The following USP9X variants were observed in gnomAD, a reference collection of about 807,000 sequenced individuals.
The protein encoded by USP9X is ubiquitin specific peptidase 9 X-linked.
A neutral mutation model predicts 190.3 loss-of-function variants in USP9X; 7 were observed. The ratio of observed to expected loss-of-function variants is 0.04; its 90% CI spans 0.02 to 0.07. The LOEUF (loss-of-function observed/expected upper bound fraction) is 0.07. USP9X is among the 10% of genes least tolerant of loss of function. The pLI, the probability that USP9X is intolerant of heterozygous loss-of-function variation, is 1.00. For synonymous variants in USP9X, 645 were observed against 659.5 expected (o/e 0.98, Z 0.34); for missense variants, 1,010 against 1,916.9 (o/e 0.53, Z 8.83).
rs1471989008 is a variant in USP9X at position 41,234,541 on chromosome X, T to TAAAA, written c.*2017_*2018insAAAA. ...ACACGGTGTTTGCAATTCCAACTGA[T>TAAAA]TTTTGTTTTGTTTTTATTTTTTTGT... On this transcript the variant is annotated 3_prime_UTR_variant, in exon 45 of 45. Transcript: ENST00000378308. 2 of 111,672 alleles carry TAAAA rather than the reference T, an allele frequency of 1.8e-5. No individual in the cohort carries two copies. The highest frequency in any genetic ancestry group is 3.8e-5 in the Non-Finnish European group (2 of 53,110). 9.2% of individuals were successfully genotyped at this position (111,672 alleles called of 1,213,427 possible).
chrX:41,225,195 T>C, intron 41 of USP9X, 58 bp downstream of exon 41: 1 of 1,073,312 alleles, frequency 9.3e-7, no homozygotes, highest in Non-Finnish European at 1.3e-6. Context: ...TAGAGTTAAC[T>C]GAAATTGACA....
intron 21 of USP9X, among the ~76,000 whole-genome samples, chrX:41,179,879 A>G (rs777418905): frequency 9.0e-6 from 1 of 111,685 alleles, no homozygotes; most frequent in Non-Finnish European, 1.9e-5. Flanking sequence ...CAACTTCACA[A>G]CTTCAGCTAA....
At chrX:41,202,002 G>GT (rs1222354786) in intron 31 of USP9X, among the ~76,000 whole-genome samples, 1 of 112,287 alleles carries the variant, frequency 8.9e-6, no homozygotes, top group East Asian at 2.8e-4. Context: ...ATGTACTCGT[G>GT]TTTTTTTGTG....
chrX:41,219,273 TATTAA>T lies in USP9X; in HGVS notation c.6565+46_6565+50del. On this transcript the variant is annotated intron_variant, in intron 38 of 44. Transcript: ENST00000378308. ...TTCAGAATTCTGTTTTGATGTATCA[TATTAA>T]ATTGTGAAGTCATTTAGGTCAAGTG... The T allele has an allele frequency of 4.3e-6, 5 of 1,156,204 alleles. No individual in the cohort carries two copies. The South Asian group carries it at 7.6e-5, about 18-fold the overall frequency.
chrX:41,182,007 G>A (rs970914462), intron 21 of USP9X, among the ~76,000 whole-genome samples: 2 of 111,718 alleles, frequency 1.8e-5, no homozygotes, highest in Non-Finnish European at 1.9e-5. Context: ...AGCTGGAATG[G>A]CCACTGAGTG....
chrX:41,113,745 A>G (rs1379948745), intron 1 of USP9X, among the ~76,000 whole-genome samples: 3 of 111,798 alleles, frequency 2.7e-5, no homozygotes, highest in Admixed American at 9.5e-5. Flanking sequence ...AATTTGAAAA[A>G]AACAGGATAA....
chrX:41,129,182 C>T (rs1162495057), intron 3 of USP9X, 37 bp downstream of exon 3: 176 of 1,182,201 alleles, frequency 1.5e-4, no homozygotes, highest in Non-Finnish European at 1.9e-4. Context: ...AGAGAGCAGA[C>T]AGGAAAGTAA....
chrX:41,183,804 TTTTG>T (rs1480702562), intron 21 of USP9X, among the ~76,000 whole-genome samples, 190 bp from the exon 22 acceptor site: 10 of 106,929 alleles, frequency 9.4e-5, no homozygotes, highest in African/African-American at 3.1e-4. Context: ...GAGCCCTGTT[TTTTG>T]TTTTTGTTTT....
chrX:41,178,084 C>CTTTTTTT (rs758055868), intron 21 of USP9X, among the ~76,000 whole-genome samples: 7 of 34,317 alleles, frequency 2.0e-4, no homozygotes, highest in African/African-American at 6.4e-4. Context: ...AGGTTTAAAT[C>CTTTTTTT]TTTTTTTTTT....
At chrX:41,211,866 C>T (rs745785573) in intron 33 of USP9X, among the ~76,000 whole-genome samples, 1 of 91,264 alleles carries the variant, frequency 1.1e-5, no homozygotes, top group Non-Finnish European at 2.3e-5. Flanking sequence ...CCCGGCCAGC[C>T]GCCCCATCCG....
chrX:41,098,776 G>C (rs1209022462), intron 1 of USP9X, among the ~76,000 whole-genome samples: 1 of 108,684 alleles, frequency 9.2e-6, no homozygotes, highest in Non-Finnish European at 1.9e-5. Context: ...GGCTGGTCTC[G>C]AACTGCTGAC....
intron 39 of USP9X, among the ~76,000 whole-genome samples, chrX:41,224,291 ACTTT>A (rs1197377679): frequency 9.0e-5 from 10 of 111,303 alleles, no homozygotes. Context: ...GCATAATGTT[ACTTT>A]CTTCGTTGTG....
chrX:41,225,715 G>A (rs1043482100), intron 41 of USP9X, among the ~76,000 whole-genome samples: 1 of 112,291 alleles, frequency 8.9e-6, no homozygotes, highest in Non-Finnish European at 1.9e-5. Flanking sequence ...TGTTGTATGT[G>A]TGTTTCTACT....
At chrX:41,139,049 C>T (rs1436469972) in intron 6 of USP9X, among the ~76,000 whole-genome samples, 1 of 112,533 alleles carries the variant, frequency 8.9e-6, no homozygotes, top group Non-Finnish European at 1.9e-5. Context: ...CAAAGAAATA[C>T]AGAAAGATTA....
In USP9X at chrX:41,235,373, T is replaced by C. The variant is rs1342600358; in HGVS notation, c.*2849T>C. 1 of 113,028 alleles carries C rather than the reference T, an allele frequency of 8.8e-6. No homozygotes were observed. Among genetic ancestry groups the C allele is most frequent in the Non-Finnish European group, 1.9e-5 (1 of 53,346 alleles). The allele number at this position is 113,028 out of a possible 1,213,427, so 9.3% of individuals were successfully genotyped here. A position where few individuals can be genotyped will look rare whatever the true frequency, so the allele number is the denominator to read the frequency against. On this transcript the variant is annotated 3_prime_UTR_variant, in exon 45 of 45. Transcript: ENST00000378308. ...GTGGCACATTTTAAATTTCAAGTCT[T>C]CAAAGTGCCTAAGGATTATTTAGTT...
At chrX:41,141,627 G>T (rs866462912) in intron 9 of USP9X, among the ~76,000 whole-genome samples, 196 bp downstream of exon 9, 5 of 111,669 alleles carry the variant, frequency 4.5e-5, no homozygotes, top group African/African-American at 1.6e-4. Context: ...TAGTGATATG[G>T]GTAGCTTTAA....
intron 1 of USP9X, among the ~76,000 whole-genome samples, chrX:41,116,774 T>C (rs2062150959): frequency 9.8e-6 from 1 of 101,872 alleles, no homozygotes; most frequent in Non-Finnish European, 2.0e-5. Flanking sequence ...TTCTCATGGC[T>C]TTCTTTTTTT....
intron 26 of USP9X, 37 bp from the exon 27 acceptor site, chrX:41,196,214 A>G: frequency 8.4e-7 from 1 of 1,191,710 alleles, no homozygotes; most frequent in Non-Finnish European, 1.1e-6. Context: ...TTTAAAATGG[A>G]AATAATGTAT....
rs11348635 is a variant in USP9X at position 41,230,336 on chromosome X, G to GT, written c.7432-151dup. Among the ~76,000 whole-genome samples the GT allele has an allele frequency of 8.2e-3, 782 of 95,818 alleles. 3 individuals carry two copies. The highest frequency in any genetic ancestry group is 0.01 in the Middle Eastern group (2 of 191). 83.2% of individuals were successfully genotyped at this position (95,818 alleles called of 115,157 possible). ...GAATGCAAATCAGGTTTTTTGTTTT[G>GT]TTTTTTTTTTTTTTGTTTTTTCCCC... On this transcript the variant is annotated intron_variant, in intron 43 of 44. Coordinates refer to ENST00000378308, the MANE Select transcript of USP9X (RefSeq NM_001039591.3).
Sources: allele counts gnomAD v4.1 joint callset (sites outside exome capture counted in the v4.1 genomes callset), GRCh38; gene constraint gnomAD v4.1.1; transcripts MANE v1.5; gene names NCBI Gene and HGNC (gene_info 2026-07-23, HGNC 2026-07-21).